Variants in SFTPD observed in about 807,000 individuals in gnomAD.
The protein encoded by SFTPD is surfactant protein D, also known as pulmonary surfactant-associated protein D.
Under a neutral mutation model 34.6 loss-of-function variants are expected in SFTPD, and 18 were observed. The observed-to-expected ratio is 0.52, with a 90% CI of 0.36 to 0.77. The LOEUF (loss-of-function observed/expected upper bound fraction) is 0.77. Among genes scored for constraint, SFTPD ranks in the 30% least tolerant of loss-of-function variants. The pLI, the probability that SFTPD is intolerant of heterozygous loss-of-function variation, is 0.00. For synonymous variants in SFTPD, 155 were observed against 180.9 expected (o/e 0.86, Z 1.15); for missense variants, 433 against 468.9 (o/e 0.92, Z 0.71).
At chr10:79,961,638 G>T (rs1416944628) in intron 1 of SFTPD, among the ~76,000 whole-genome samples, 1 of 152,150 alleles carries the variant, frequency 6.6e-6, no homozygotes, top group Non-Finnish European at 1.5e-5. Flanking sequence ...AAAAAGTCAG[G>T]AAACAACAGG....
At chr10:79,956,475 C>T (rs1250199743) in intron 1 of SFTPD, among the ~76,000 whole-genome samples, 1 of 152,122 alleles carries the variant, frequency 6.6e-6, no homozygotes, top group Non-Finnish European at 1.5e-5. Flanking sequence ...TTCCAACAGG[C>T]TTAAAAAATG....
intron 1 of SFTPD, among the ~76,000 whole-genome samples, chr10:79,947,218 G>A (rs969625298): frequency 1.3e-5 from 2 of 152,220 alleles, no homozygotes; most frequent in Admixed American, 6.5e-5. Flanking sequence ...CTTCCTGAGC[G>A]CAGGCTGGGA....
chr10:79,941,552 T>C (rs780914075), intron 5 of SFTPD, 38 bp from the exon 6 acceptor site: 11 of 1,485,612 alleles, frequency 7.4e-6, no homozygotes, highest in Non-Finnish European at 1.0e-5. Context: ...TATGTACTCA[T>C]TTTATTTTTT....
At chr10:79,968,517 G>C (rs1842817070) in intron 1 of SFTPD, 1 of 152,074 alleles carries the variant, frequency 6.6e-6, no homozygotes, top group Non-Finnish European at 1.5e-5. Context: ...ATAGCTGTGT[G>C]GTATTCCATG....
rs749690344 is a variant in SFTPD at position 79,938,189 on chromosome 10, ATCT to A, written c.788_790del (p.Lys263del). The A allele has an allele frequency of 1.9e-6, 3 of 1,603,238 alleles. No homozygotes were observed. Among genetic ancestry groups the A allele is most frequent in the East Asian group, 2.2e-5 (1 of 44,522 alleles). On this transcript the variant is annotated inframe_deletion, in exon 8 of 8. Transcript: ENST00000372292. ...TTTTACAAAGCCTGCTGTCTTGAAAATCTTCTCCCCGACACTTTGGCCATTTGG... is the reference window on the plus strand; with the variant it reads ...TTTTACAAAGCCTGCTGTCTTGAAAATCTCCCCGACACTTTGGCCATTTGG...
intron 1 of SFTPD, among the ~76,000 whole-genome samples, chr10:79,955,172 G>A (rs1176262109): frequency 6.6e-6 from 1 of 152,058 alleles, no homozygotes; most frequent in African/African-American, 2.4e-5. Context: ...CCACAGCCTG[G>A]TGTTGGGTCT....
At chr10:79,967,707 A>G (rs995912417) in intron 1 of SFTPD, among the ~76,000 whole-genome samples, 32 of 152,160 alleles carry the variant, frequency 2.1e-4, no homozygotes, top group African/African-American at 7.0e-4. Context: ...CAGGAATGTC[A>G]GGCCTCTGAG....
chr10:79,982,036 TG>T, intron 1 of SFTPD: 1 of 302,254 alleles, frequency 3.3e-6, no homozygotes, highest in South Asian at 5.4e-5. Flanking sequence ...CGACTTCCCC[TG>T]GGGCGGCGGC....
upstream of SFTPD, among the ~76,000 whole-genome samples, chr10:79,953,813 C>G (rs920630417): frequency 6.6e-6 from 1 of 152,010 alleles, no homozygotes; most frequent in South Asian, 2.1e-4. Flanking sequence ...TCATCGTGTC[C>G]CATAAGTCCC....
At chr10:79,978,494 T>C (rs1368445624) in intron 1 of SFTPD, among the ~76,000 whole-genome samples, 1 of 150,940 alleles carries the variant, frequency 6.6e-6, no homozygotes, top group Non-Finnish European at 1.5e-5. Context: ...TCTACAAAAA[T>C]TACAAAAATT....
In SFTPD at chr10:79,966,465, T is replaced by C. The variant is rs1035706290; in HGVS notation, c.36+16110A>G. Among the ~76,000 whole-genome samples, 14 of 95,624 alleles carry C rather than the reference T, an allele frequency of 1.5e-4. 1 individual carries two copies. The highest frequency in any genetic ancestry group is 2.5e-4 in the Non-Finnish European group (13 of 52,056). The allele number at this position is 95,624 out of a possible 152,430, so 62.7% of individuals were successfully genotyped here. Reference sequence around the variant, plus strand: ...TTCTTGTAAATTTGTTTGAGTTCATTGTAGATTGTGGATATTAGCCCTTTG... The same window carrying C: ...TTCTTGTAAATTTGTTTGAGTTCATCGTAGATTGTGGATATTAGCCCTTTG... On this transcript the variant is annotated intron_variant, in intron 1 of 5. Transcript: ENST00000444384.
At chr10:79,967,580 G>A (rs1842809925) in intron 1 of SFTPD, among the ~76,000 whole-genome samples, 1 of 144,462 alleles carries the variant, frequency 6.9e-6, no homozygotes, top group African/African-American at 2.7e-5. Context: ...AACCAAAACA[G>A]CATGGTACTG....
chr10:79,938,499 GCAGTTAGGAAT>G (rs1842580079), intron 7 of SFTPD, among the ~76,000 whole-genome samples: 1 of 152,164 alleles, frequency 6.6e-6, no homozygotes, highest in Admixed American at 6.5e-5. Flanking sequence ...CAGCAAACGT[GCAGTTAGGAAT>G]TCAACCTCAC....
chr10:79,971,431 G>A (rs1294357376), intron 1 of SFTPD: 2 of 152,154 alleles, frequency 1.3e-5, no homozygotes, highest in African/African-American at 4.8e-5. Context: ...AGAAGAATTG[G>A]TATTAGTTCT....
intron 4 of SFTPD, 93 bp downstream of exon 4, chr10:79,942,295 C>A: frequency 1.1e-6 from 1 of 885,996 alleles, no homozygotes. Flanking sequence ...GGTCTGGGCT[C>A]TCCCTGGCAC....
chr10:79,944,904 T>G (rs1049881710), intron 2 of SFTPD, among the ~76,000 whole-genome samples: 1 of 152,052 alleles, frequency 6.6e-6, no homozygotes, highest in Admixed American at 6.5e-5. Context: ...ACCACATGCT[T>G]CCAACTCTGC....
intron 6 of SFTPD, among the ~76,000 whole-genome samples, chr10:79,941,084 A>G (rs1842606657): frequency 6.6e-6 from 1 of 152,240 alleles, no homozygotes; most frequent in South Asian, 2.1e-4. Flanking sequence ...CTGGGCAGGA[A>G]TACACACTCA....
intron 1 of SFTPD, among the ~76,000 whole-genome samples, chr10:79,954,694 T>C (rs754962338): frequency 1.2e-4 from 18 of 152,136 alleles, no homozygotes; most frequent in Middle Eastern, 3.2e-3. Flanking sequence ...TAGCCTTCTA[T>C]TGGGGCCCTG....
chr10:79,944,538 A>G lies in SFTPD; in HGVS notation c.200-1659T>C, dbSNP rs1589335211. On this transcript the variant is annotated intron_variant, in intron 2 of 7. Transcript: ENST00000372292. ...AGGAGGCTGAGCGTGACCGGGGGCC[A>G]GAAAGAAGCTATGTGGTTGGAGCTG... Among the ~76,000 whole-genome samples, 4 of 152,110 alleles carry G rather than the reference A, an allele frequency of 2.6e-5. No individual in the cohort carries two copies. The South Asian group carries it at 8.3e-4, about 32-fold the overall frequency.
Sources: gnomAD v4.1 joint callset for allele counts (sites outside exome capture counted in the v4.1 genomes callset) on GRCh38, gnomAD v4.1.1 for gene constraint, MANE v1.5 for transcripts, NCBI Gene and HGNC (gene_info 2026-07-23, HGNC 2026-07-21) for gene names.